LRBA: variants seen among roughly 807,000 people sequenced by gnomAD.
LRBA encodes the protein LPS responsive beige-like anchor protein.
In LRBA, 176 loss-of-function variants were observed where a neutral mutation model predicts 330.0. The ratio of observed to expected loss-of-function variants is 0.53; its 90% CI spans 0.47 to 0.60. The LOEUF is 0.60. LRBA is among the 20% of genes least tolerant of loss of function. LRBA has a pLI of 0.00. For missense variants in LRBA, 3,259 were observed against 3,444.8 expected (o/e 0.95, Z 1.35); for synonymous variants, 1,230 against 1,193.0 (o/e 1.03, Z -0.64).
In LRBA at chr4:150,707,548, T is replaced by C. The variant is rs199671623; in HGVS notation, c.5755-23831A>G. ...TGCAGAGACCAAGGAAGATAAGAAA[T>C]AAAAAAGGACCACTGTATATATAAT... On this transcript the variant is annotated intron_variant, in intron 36 of 56. Coordinates refer to ENST00000651943, the MANE Select transcript of LRBA (RefSeq NM_001364905.1). 2.6e-5 allele frequency among the ~76,000 whole-genome samples: 4 copies of C among 151,338 alleles called. No homozygotes were observed. The East Asian group carries it at 5.8e-4, about 22-fold the overall frequency.
In LRBA at chr4:150,396,480, T is replaced by A. The variant is rs963248385; in HGVS notation, c.7194+18958A>T. The stretch of plus-strand genomic sequence containing the variant: ...GCCAATTCCCATAATAAATCTCATC[T>A]CACACACACACACACACACACACAC... On this transcript the variant is annotated intron_variant, in intron 47 of 56. Transcript: ENST00000651943. Among the ~76,000 whole-genome samples the A allele has an allele frequency of 1.6e-4, 24 of 145,774 alleles. 1 individual carries two copies. Among genetic ancestry groups the A allele is most frequent in the African/African-American group, 2.3e-4 (9 of 39,294 alleles).
intron 42 of LRBA, among the ~76,000 whole-genome samples, chr4:150,483,246 C>A (rs1414308269): frequency 6.6e-6 from 1 of 151,902 alleles, no homozygotes; most frequent in Non-Finnish European, 1.5e-5. Context: ...TTAAAAAGAT[C>A]ATTTTCCCCC....
intron 50 of LRBA, among the ~76,000 whole-genome samples, chr4:150,317,942 A>C (rs956109118): frequency 1.3e-5 from 2 of 152,214 alleles, no homozygotes; most frequent in African/African-American, 4.8e-5. Flanking sequence ...CAGAACCTAC[A>C]TCCTCAGGTT....
At chr4:150,281,882 C>T (rs529015196) in intron 55 of LRBA, among the ~76,000 whole-genome samples, 21 of 152,298 alleles carry the variant, frequency 1.4e-4, no homozygotes, top group Middle Eastern at 3.4e-3. Context: ...GGTCCACTGG[C>T]GGTGCCATTT....
intron 14 of LRBA, among the ~76,000 whole-genome samples, chr4:150,899,374 A>G (rs1003408265): frequency 1.3e-5 from 2 of 152,206 alleles, no homozygotes; most frequent in Non-Finnish European, 1.5e-5. Context: ...AGACAAATTC[A>G]GTCCTATGGT....
In LRBA at chr4:150,548,750, A is replaced by G. The variant is rs115925437; in HGVS notation, c.6330+39298T>C. ...ACTTATTATTGATTGAACCCTTACT[A>G]ATTGTCTGACATTGTGCTAACTGCT... On this transcript the variant is annotated intron_variant, in intron 40 of 56. Transcript: ENST00000651943. Among the ~76,000 whole-genome samples, 320 of 152,290 alleles carry G rather than the reference A, an allele frequency of 2.1e-3. 3 individuals carry two copies. The highest frequency in any genetic ancestry group is 7.4e-3 in the African/African-American group (308 of 41,550).
chr4:150,541,181 ATTATGT>A (rs568074712), intron 40 of LRBA, among the ~76,000 whole-genome samples: 136 of 152,274 alleles, frequency 8.9e-4, no homozygotes, highest in African/African-American at 3.0e-3. Context: ...TGTTCCACGT[ATTATGT>A]TTAAGTTCCA....
chr4:150,989,009 T>C lies in LRBA; in HGVS notation c.216+25418A>G, dbSNP rs554398401. Reference sequence around the variant, plus strand: ...TAAAGTGTTTGTTTTTTTGTTGTTGTTTTTTTGTTTTGAGACAGAGTCTCA... The same window carrying C: ...TAAAGTGTTTGTTTTTTTGTTGTTGCTTTTTTGTTTTGAGACAGAGTCTCA... On this transcript the variant is annotated intron_variant, in intron 2 of 56. Coordinates refer to ENST00000651943, the MANE Select transcript of LRBA (RefSeq NM_001364905.1). 2.6e-5 allele frequency among the ~76,000 whole-genome samples: 4 copies of C among 152,076 alleles called. No homozygotes were observed. In the South Asian group the frequency reaches 8.3e-4, roughly 32 times the overall value.
At chr4:150,653,481 G>T (rs958047554) in intron 37 of LRBA, among the ~76,000 whole-genome samples, 2 of 151,960 alleles carry the variant, frequency 1.3e-5, no homozygotes, top group African/African-American at 4.8e-5. Context: ...CCTCACCCCA[G>T]GACCCTCTGG....
intron 22 of LRBA, among the ~76,000 whole-genome samples, chr4:150,867,061 A>C (rs1348117855): frequency 6.6e-6 from 1 of 151,170 alleles, no homozygotes; most frequent in Non-Finnish European, 1.5e-5. Context: ...AGAGTATTTC[A>C]AAAAAGAATT....
chr4:150,491,791 T>A (rs1236475798), intron 40 of LRBA, among the ~76,000 whole-genome samples: 1 of 152,146 alleles, frequency 6.6e-6, no homozygotes, highest in Non-Finnish European at 1.5e-5. Flanking sequence ...TGATTCAAGT[T>A]TTGTTTTTCA....
chr4:150,908,520 A>G (rs1731594002), intron 10 of LRBA, 53 bp from the exon 11 acceptor site: 5 of 1,530,408 alleles, frequency 3.3e-6, no homozygotes, highest in Non-Finnish European at 3.5e-6. Context: ...TTCCAAAACA[A>G]TTAAAAATAA....
At chr4:151,000,398 C>A (rs1040407405) in intron 2 of LRBA, among the ~76,000 whole-genome samples, 3 of 152,146 alleles carry the variant, frequency 2.0e-5, no homozygotes, top group African/African-American at 7.2e-5. Flanking sequence ...TCAAGAACTT[C>A]CACCTATTCA....
At chr4:150,606,114 A>G (rs923515157) in intron 37 of LRBA, among the ~76,000 whole-genome samples, 1 of 152,096 alleles carries the variant, frequency 6.6e-6, no homozygotes, top group Admixed American at 6.6e-5. Context: ...TCTTCAATTA[A>G]TTATTAGTTT....
chr4:150,920,939 T>C (rs1041707280), intron 5 of LRBA, among the ~76,000 whole-genome samples: 1 of 152,234 alleles, frequency 6.6e-6, no homozygotes, highest in Non-Finnish European at 1.5e-5. Context: ...AACATGGCTA[T>C]GTTTAAAAGA....
At chr4:150,454,023 C>T (rs1199217170) in intron 44 of LRBA, among the ~76,000 whole-genome samples, 3 of 151,860 alleles carry the variant, frequency 2.0e-5, no homozygotes, top group South Asian at 2.1e-4. Context: ...GGGCAGAGCA[C>T]GATCTCCACT....
intron 42 of LRBA, among the ~76,000 whole-genome samples, chr4:150,472,501 T>A (rs72734477): frequency 0.22 from 34,007 of 152,130 alleles, 4,453 homozygotes; most frequent in Non-Finnish European, 0.3. Flanking sequence ...CAGTAATTTT[T>A]AAAAAATATT....
chr4:150,303,205 C>T (rs1204528162), intron 52 of LRBA, among the ~76,000 whole-genome samples: 1 of 152,162 alleles, frequency 6.6e-6, no homozygotes, highest in Non-Finnish European at 1.5e-5. Flanking sequence ...TAAAAGTACT[C>T]ATAATTTAGA....
At chr4:150,328,728 A>G (rs1454987429) in intron 48 of LRBA, among the ~76,000 whole-genome samples, 1 of 151,842 alleles carries the variant, frequency 6.6e-6, no homozygotes, top group Admixed American at 6.6e-5. Flanking sequence ...TGAAGAAGAC[A>G]GAGAGAGGGC....
Sources: allele counts gnomAD v4.1 joint callset (sites outside exome capture counted in the v4.1 genomes callset), GRCh38; gene constraint gnomAD v4.1.1; transcripts MANE v1.5; gene names NCBI Gene and HGNC (gene_info 2026-07-23, HGNC 2026-07-21).